Variants in ZNF560 observed in about 807,000 individuals in gnomAD.
The protein encoded by ZNF560 is zinc finger protein 560.
Under a neutral mutation model 81.8 loss-of-function variants are expected in ZNF560, and 54 were observed. That is an observed-to-expected ratio of 0.66 (90% CI 0.53 to 0.83). The LOEUF (loss-of-function observed/expected upper bound fraction) is 0.83, where lower values mean the gene tolerates loss of function less well. Ranked by LOEUF, ZNF560 falls within the 40% of genes least tolerant of loss-of-function variation. ZNF560 has a pLI of 0.00. For synonymous variants in ZNF560, 321 were observed against 317.9 expected, an observed-to-expected ratio of 1.01 and a Z score of -0.10; for missense variants, 940 against 932.4, an observed-to-expected ratio of 1.01 and a Z score of -0.11.
chr19:9,494,733 T>C (rs190956455), intron 2 of ZNF560, among the ~76,000 whole-genome samples: 1 of 149,798 alleles, frequency 6.7e-6, no homozygotes, highest in African/African-American at 2.5e-5. Flanking sequence ...CAAAACTCCG[T>C]CTCAAAACAA....
the ZNF560 span, among the ~76,000 whole-genome samples, chr19:9,450,181 C>T: frequency 2.6e-5 from 4 of 151,260 alleles, no homozygotes; most frequent in East Asian, 3.9e-4. Context: ...ATCTCAACTA[C>T]TCGGAAGGCT....
chr19:9,455,633 G>C, the ZNF560 span, among the ~76,000 whole-genome samples: 1 of 152,166 alleles, frequency 6.6e-6, no homozygotes, highest in African/African-American at 2.4e-5. Flanking sequence ...TTATAGCTTG[G>C]TTACAGGAGT....
downstream of ZNF560, among the ~76,000 whole-genome samples, chr19:9,463,908 C>T (rs1053152549): frequency 6.6e-6 from 1 of 152,130 alleles, no homozygotes; most frequent in Non-Finnish European, 1.5e-5. Context: ...GTCTTGAACT[C>T]CTGAGCCCAA....
At chr19:9,503,367 A>T (rs963942467), upstream of ZNF560, among the ~76,000 whole-genome samples, 3 of 151,842 alleles carry the variant, frequency 2.0e-5, no homozygotes, top group African/African-American at 7.3e-5. Flanking sequence ...ACTAACAGAA[A>T]TTTTTTTCTT....
chr19:9,451,134 T>G, the ZNF560 span, among the ~76,000 whole-genome samples: 30 of 152,174 alleles, frequency 2.0e-4, no homozygotes, highest in East Asian at 5.2e-3. Context: ...ATTCTAAAAT[T>G]TATACAGAAC....
At chr19:9,476,213 T>C (rs565000419) in intron 2 of ZNF560, among the ~76,000 whole-genome samples, 6 of 152,106 alleles carry the variant, frequency 3.9e-5, no homozygotes, top group African/African-American at 7.2e-5. Context: ...ATGGAGGTGA[T>C]TGGATCATGG....
upstream of ZNF560, among the ~76,000 whole-genome samples, chr19:9,501,304 A>T (rs1354324813): frequency 6.8e-6 from 1 of 148,022 alleles, no homozygotes; most frequent in Non-Finnish European, 1.5e-5. Context: ...AGGACCACAG[A>T]CGCATCACCA....
chr19:9,489,559 C>G (rs1327421132), intron 2 of ZNF560, among the ~76,000 whole-genome samples: 1 of 152,112 alleles, frequency 6.6e-6, no homozygotes, highest in African/African-American at 2.4e-5. Context: ...ACTTCCCAGA[C>G]AGTTGGGTGG....
intron 2 of ZNF560, among the ~76,000 whole-genome samples, chr19:9,491,023 T>C (rs919378178): frequency 1.3e-5 from 2 of 152,320 alleles, no homozygotes; most frequent in Middle Eastern, 3.4e-3. Context: ...TGATATCCCA[T>C]GAACAGGAAA....
the ZNF560 span, among the ~76,000 whole-genome samples, chr19:9,458,682 C>A: frequency 6.6e-6 from 1 of 152,214 alleles, no homozygotes; most frequent in African/African-American, 2.4e-5. Context: ...TGTAGGGAAT[C>A]AAATGGCTGA....
chr19:9,475,141 G>A, intron 3 of ZNF560, 143 bp downstream of exon 3: 1 of 787,318 alleles, frequency 1.3e-6, no homozygotes, highest in East Asian at 2.7e-5. Flanking sequence ...TCCACTCCCT[G>A]GGGAAATTCA....
chr19:9,500,072 G>A (rs1310108364), upstream of ZNF560, among the ~76,000 whole-genome samples: 1 of 151,840 alleles, frequency 6.6e-6, no homozygotes, highest in African/African-American at 2.4e-5. Flanking sequence ...ATTTTCTTGT[G>A]TAATTGCTCT....
intron 2 of ZNF560, among the ~76,000 whole-genome samples, chr19:9,484,302 A>C (rs1017754580): frequency 7.2e-5 from 11 of 151,918 alleles, no homozygotes; most frequent in Non-Finnish European, 1.6e-4. Flanking sequence ...AAAAAAAAAA[A>C]AGAAACAGAA....
chr19:9,475,985 C>G (rs180732844), intron 2 of ZNF560, among the ~76,000 whole-genome samples: 46 of 152,284 alleles, frequency 3.0e-4, no homozygotes, highest in Non-Finnish European at 5.7e-4. Flanking sequence ...GATTATGCAG[C>G]ACCTCTTCTC....
In ZNF560 at chr19:9,467,847, A is replaced by C; in HGVS notation, c.1100T>G (p.Met367Arg). ...FRYPTHLNNH[M>R]QTHIGIKPYK... ...AGGTTTTATCCCAATGTGGGTTTGC[A>C]TGTGATTATTAAGGTGGGTAGGGTA... Residue 367 changes from methionine to arginine, a missense_variant, in exon 10 of 10, where the codon ATG becomes AGG. Coordinates refer to ENST00000301480, the MANE Select transcript of ZNF560 (RefSeq NM_152476.3). 3 of 1,614,188 alleles carry C rather than the reference A, an allele frequency of 1.9e-6. No individual in the cohort carries two copies. The highest frequency in any genetic ancestry group is 2.2e-5 in the South Asian group (2 of 91,082).
downstream of ZNF560, among the ~76,000 whole-genome samples, chr19:9,461,389 C>T (rs1310258984): frequency 6.6e-6 from 1 of 152,126 alleles, no homozygotes; most frequent in African/African-American, 2.4e-5. Context: ...GCTTTCCCAT[C>T]CTTGGGAACC....
At position 9,473,213 on chromosome 19, in the gene ZNF560, T is replaced by C. The variant is rs755039819; in HGVS notation, c.204A>G (p.Glu68=). 3.7e-6 allele frequency: 6 copies of C among 1,613,100 alleles called. No individual in the cohort carries two copies. In the South Asian group the frequency reaches 5.5e-5, roughly 15 times the overall value. The part of the protein sequence containing the change: ...KPSVISWLEE[E]ELRTLQQGVL... ...CTCCTTGCTGCAAGGTTCTCAACTCTTCTTCTTCCAACCAAGAGATGACAC... is the reference window on the plus strand; with the variant it reads ...CTCCTTGCTGCAAGGTTCTCAACTCCTCTTCTTCCAACCAAGAGATGACAC... Residue 68 remains glutamate, a synonymous_variant, in exon 5 of 10, where the codon GAA becomes GAG. Transcript: ENST00000301480.
At chr19:9,469,520 A>G in intron 8 of ZNF560, 110 bp downstream of exon 8, 1 of 946,006 alleles carries the variant, frequency 1.1e-6, no homozygotes, top group Admixed American at 1.9e-5. Flanking sequence ...AAAACATCCA[A>G]GTCCAGTGGA....
chr19:9,474,118 A>G, intron 4 of ZNF560, 81 bp downstream of exon 4: 1 of 1,540,274 alleles, frequency 6.5e-7, no homozygotes, highest in South Asian at 1.1e-5. Context: ...TTCAGTGTTG[A>G]ACAAACCAAT....
Sources: gnomAD v4.1 joint callset for allele counts (sites outside exome capture counted in the v4.1 genomes callset) on GRCh38, gnomAD v4.1.1 for gene constraint, MANE v1.5 for transcripts, NCBI Gene and HGNC (gene_info 2026-07-23, HGNC 2026-07-21) for gene names.